DGCR2: variants seen among roughly 807,000 people sequenced by gnomAD.
DGCR2 encodes the protein integral membrane protein DGCR2/IDD.
In DGCR2, 24 loss-of-function variants were observed where a neutral mutation model predicts 51.6. That is an observed-to-expected ratio of 0.47 (90% CI 0.34 to 0.65). The LOEUF is 0.65. DGCR2 is among the 30% of genes least tolerant of loss of function. The pLI, the probability that DGCR2 is intolerant of heterozygous loss-of-function variation, is 0.01. For synonymous variants in DGCR2, 340 were observed against 315.4 expected, an observed-to-expected ratio of 1.08 and a Z score of -0.82; for missense variants, 765 against 772.1, an observed-to-expected ratio of 0.99 and a Z score of 0.11.
rs1491292155 is a variant in DGCR2 at position 19,072,889 on chromosome 22, AAT to A, written c.203-4666_203-4665del. On this transcript the variant is annotated intron_variant, in intron 2 of 9. Transcript: ENST00000263196. ...CTCTGTCTAAAAAATAAATAAATAAAATTTTTTTTTAAAAAAAAGGAAAATGC... is the reference window on the plus strand; with the variant it reads ...CTCTGTCTAAAAAATAAATAAATAAATTTTTTTTAAAAAAAAGGAAAATGC... 1.3e-4 allele frequency among the ~76,000 whole-genome samples: 20 copies of A among 151,920 alleles called. No homozygotes were observed. The South Asian group carries it at 1.7e-3, about 13-fold the overall frequency.
At chr22:19,095,134 G>C (rs1009787531) in intron 1 of DGCR2, among the ~76,000 whole-genome samples, 3 of 151,612 alleles carry the variant, frequency 2.0e-5, no homozygotes, top group Admixed American at 1.3e-4. Flanking sequence ...AGGCTGAGGT[G>C]AATGGATCAC....
At chr22:19,087,081 G>A (rs59837434) in intron 2 of DGCR2, among the ~76,000 whole-genome samples, 14,370 of 152,252 alleles carry the variant, frequency 0.094, 745 homozygotes, top group Middle Eastern at 0.15. Flanking sequence ...CTGGATATAA[G>A]GTCTCACTCT....
rs144656249 is a variant in DGCR2 at position 19,089,233 on chromosome 22, G to A, written c.202+135C>T. 2.6e-4 allele frequency: 265 copies of A among 1,002,254 alleles called. 1 individual carries two copies. In the African/African-American group the frequency reaches 4.1e-3, roughly 15 times the overall value. 62.1% of individuals were successfully genotyped at this position (1,002,254 alleles called of 1,614,324 possible). A position where few individuals can be genotyped will look rare whatever the true frequency, so the allele number is the denominator to read the frequency against. On this transcript the variant is annotated intron_variant, in intron 2 of 9. Coordinates refer to ENST00000263196, the MANE Select transcript of DGCR2 (RefSeq NM_005137.3). ...TTAAAAAGACAGAAAGACAGAGAGAGAGGAAGGGGTCGGCTCAAACTAACT... is the reference window on the plus strand; with the variant it reads ...TTAAAAAGACAGAAAGACAGAGAGAAAGGAAGGGGTCGGCTCAAACTAACT...
At chr22:19,072,207 A>T (rs2082822934) in intron 2 of DGCR2, among the ~76,000 whole-genome samples, 1 of 152,120 alleles carries the variant, frequency 6.6e-6, no homozygotes. Flanking sequence ...GAGAGGACAG[A>T]TTCCCCATCG....
chr22:19,051,025 C>T (rs1601514197), intron 6 of DGCR2, among the ~76,000 whole-genome samples: 2 of 151,862 alleles, frequency 1.3e-5, no homozygotes, highest in East Asian at 3.9e-4. Flanking sequence ...CCTGTCTCTA[C>T]TAAAAATAGA....
intron 1 of DGCR2, among the ~76,000 whole-genome samples, chr22:19,097,259 A>G (rs1411108792): frequency 6.6e-6 from 1 of 152,090 alleles, no homozygotes; most frequent in African/African-American, 2.4e-5. Flanking sequence ...ACATATATAG[A>G]TATGTAAGTG....
chr22:19,062,775 G>GCGCTCT (rs1555903875), intron 5 of DGCR2, among the ~76,000 whole-genome samples: 1 of 108,860 alleles, frequency 9.2e-6, no homozygotes, highest in Non-Finnish European at 1.9e-5. Flanking sequence ...ACACATGCAT[G>GCGCTCT]CTCACTCTCT....
At chr22:19,062,779 ACTCT>A (rs11471797) in intron 5 of DGCR2, among the ~76,000 whole-genome samples, 2,567 of 127,354 alleles carry the variant, frequency 0.02, 130 homozygotes, top group East Asian at 0.07. Context: ...ATGCATGCTC[ACTCT>A]CTCTCTCTCT....
chr22:19,115,063 G>A (rs983829171), intron 1 of DGCR2, among the ~76,000 whole-genome samples: 10 of 152,222 alleles, frequency 6.6e-5, no homozygotes, highest in African/African-American at 2.2e-4. Flanking sequence ...TGAAGCAACA[G>A]CTACCGCAGG....
At chr22:19,065,860 T>C (rs2082742092) in intron 3 of DGCR2, 2 of 152,218 alleles carry the variant, frequency 1.3e-5, no homozygotes, top group South Asian at 2.1e-4. Context: ...GCAAAGCCAG[T>C]TGTAAAATTA....
At chr22:19,118,090 G>A (rs190292496) in intron 1 of DGCR2, among the ~76,000 whole-genome samples, 7 of 151,922 alleles carry the variant, frequency 4.6e-5, no homozygotes, top group Admixed American at 1.3e-4. Context: ...GACTCCAGCC[G>A]GGGAGAGGTG....
chr22:19,041,598 C>G lies in DGCR2; in HGVS notation c.1159+209G>C, dbSNP rs115140378. The G allele has an allele frequency of 2.7e-3, 1,751 of 638,056 alleles. 21 individuals are homozygous for G. The highest frequency in any genetic ancestry group is 0.026 in the African/African-American group (1,428 of 54,768). 39.5% of individuals were successfully genotyped at this position (638,056 alleles called of 1,614,324 possible). On this transcript the variant is annotated intron_variant, in intron 8 of 9. Coordinates refer to ENST00000263196, the MANE Select transcript of DGCR2 (RefSeq NM_005137.3). The stretch of plus-strand genomic sequence containing the variant: ...CGGGCCTCTGACCCTCAGAGGCCTC[C>G]GAGTTCTGCCCACCCTGTGGCTCAA...
chr22:19,101,460 G>A (rs1044949784), intron 1 of DGCR2, among the ~76,000 whole-genome samples: 4 of 152,180 alleles, frequency 2.6e-5, no homozygotes, highest in African/African-American at 9.7e-5. Flanking sequence ...TAAATGTGGG[G>A]CCTGGCATGG....
chr22:19,103,663 C>T (rs2083230543), intron 1 of DGCR2, among the ~76,000 whole-genome samples: 1 of 145,258 alleles, frequency 6.9e-6, no homozygotes, highest in South Asian at 2.2e-4. Flanking sequence ...CTCCTGACCT[C>T]GTGATCCACC....
chr22:19,068,897 T>C (rs1040389905), intron 2 of DGCR2, among the ~76,000 whole-genome samples: 4 of 152,198 alleles, frequency 2.6e-5, no homozygotes, highest in Admixed American at 1.3e-4. Flanking sequence ...CTAATAGTAA[T>C]TTGCACACCA....
At chr22:19,121,214 T>C (rs1014423886) in intron 1 of DGCR2, among the ~76,000 whole-genome samples, 13 of 152,240 alleles carry the variant, frequency 8.5e-5, no homozygotes, top group African/African-American at 2.9e-4. Flanking sequence ...GTCATGCTTT[T>C]TCACTGTATT....
intron 1 of DGCR2, among the ~76,000 whole-genome samples, chr22:19,093,355 C>T (rs1159732786): frequency 7.4e-6 from 1 of 135,452 alleles, no homozygotes; most frequent in African/African-American, 3.1e-5. Context: ...AGTGAAACTC[C>T]ACCTCGAAAA....
Position 19,041,956 on chromosome 22 carries a change from C to T in DGCR2, c.1010G>A (p.Gly337Asp). 3.7e-6 allele frequency: 6 copies of T among 1,612,182 alleles called. No individual in the cohort carries two copies. Among genetic ancestry groups the T allele is most frequent in the Non-Finnish European group, 5.1e-6 (6 of 1,179,442 alleles). Reference protein sequence around the residue: ...CCKFMCLDPDGNSLFDSMASG... With the variant: ...CCKFMCLDPDDNSLFDSMASG... ...GGCCATGGAGTCAAACAGACTGTTG[C>T]CATCTGAGGGGGAGGGGAGGAAATG... Residue 337 changes from glycine to aspartate, a missense_variant, in exon 8 of 10, where the codon GGC (glycine) becomes GAC (aspartate). Gly to Asp is a moderately conservative substitution (Grantham distance 94). Transcript: ENST00000263196.
intron 7 of DGCR2, chr22:19,047,821 A>C (rs1022797402): frequency 6.5e-6 from 1 of 153,356 alleles, no homozygotes; most frequent in African/African-American, 2.4e-5. Context: ...AAAATGGATG[A>C]CTGTAAGCAA....
Sources: gnomAD v4.1 joint callset for allele counts (sites outside exome capture counted in the v4.1 genomes callset) on GRCh38, gnomAD v4.1.1 for gene constraint, MANE v1.5 for transcripts, NCBI Gene and HGNC (gene_info 2026-07-23, HGNC 2026-07-21) for gene names.